The following EXOC2 variants were observed in gnomAD, a reference collection of about 807,000 sequenced individuals.
EXOC2 encodes the protein exocyst complex component 2, also known as SEC5-like 1.
EXOC2 carries 70 observed loss-of-function variants against 131.8 expected under a neutral mutation model. The observed-to-expected ratio is 0.53, with a 90% CI of 0.44 to 0.65. EXOC2 has a LOEUF of 0.65. Among genes scored for constraint, EXOC2 ranks in the 30% least tolerant of loss-of-function variants. The pLI is 0.00. For synonymous variants in EXOC2, 411 were observed against 398.4 expected, an observed-to-expected ratio of 1.03 and a Z score of -0.38; for missense variants, 923 against 1,108.6, an observed-to-expected ratio of 0.83 and a Z score of 2.38.
At chr6:635,903 A>G (rs1252163156) in intron 2 of EXOC2, among the ~76,000 whole-genome samples, 1 of 152,224 alleles carries the variant, frequency 6.6e-6, no homozygotes, top group African/African-American at 2.4e-5. Flanking sequence ...TCTACTAAAA[A>G]TACAAAAATT....
chr6:649,513 G>T (rs1762737551), intron 1 of EXOC2, among the ~76,000 whole-genome samples: 1 of 148,866 alleles, frequency 6.7e-6, no homozygotes, highest in African/African-American at 2.4e-5. Context: ...TTACTGGTTT[G>T]CTTAAAAAAA....
At chr6:505,929 G>A (rs954590379) in intron 23 of EXOC2, among the ~76,000 whole-genome samples, 1 of 152,162 alleles carries the variant, frequency 6.6e-6, no homozygotes, top group Non-Finnish European at 1.5e-5. Context: ...ATGAATGAGG[G>A]AATAAACACA....
chr6:648,968 C>T (rs775204270), intron 1 of EXOC2, among the ~76,000 whole-genome samples: 7 of 152,080 alleles, frequency 4.6e-5, no homozygotes, highest in Non-Finnish European at 8.8e-5. Context: ...CCGCTTCCGC[C>T]TCCCAACGTG....
At chr6:593,138 G>A (rs976403470) in intron 10 of EXOC2, among the ~76,000 whole-genome samples, 4 of 151,936 alleles carry the variant, frequency 2.6e-5, no homozygotes, top group Non-Finnish European at 5.9e-5. Context: ...AAAAAGATAA[G>A]GACAATTTGC....
chr6:642,221 T>C (rs928064331), intron 1 of EXOC2, among the ~76,000 whole-genome samples: 1 of 152,230 alleles, frequency 6.6e-6, no homozygotes, highest in African/African-American at 2.4e-5. Context: ...GATCCCTCCT[T>C]CTATTAAACT....
intron 26 of EXOC2, among the ~76,000 whole-genome samples, 177 bp from the exon 27 acceptor site, chr6:489,215 A>T (rs570831183): frequency 6.6e-6 from 1 of 152,370 alleles, no homozygotes; most frequent in Non-Finnish European, 1.5e-5. Context: ...AGGTGTAGCT[A>T]CCAGGTGGAG....
intron 11 of EXOC2, among the ~76,000 whole-genome samples, chr6:585,571 C>G (rs1478262149): frequency 6.6e-6 from 1 of 152,240 alleles, no homozygotes; most frequent in African/African-American, 2.4e-5. Context: ...GTATGTAGGA[C>G]TGCTGTCTCT....
chr6:655,790 G>C (rs1660663134), intron 1 of EXOC2: 1 of 231,386 alleles, frequency 4.3e-6, no homozygotes, highest in Non-Finnish European at 8.5e-6. Flanking sequence ...ATAAAATACT[G>C]ATGCAATTGT....
intron 1 of EXOC2, among the ~76,000 whole-genome samples, chr6:675,659 C>T (rs529754591): frequency 0.094 from 2,194 of 23,368 alleles, 867 homozygotes; most frequent in East Asian, 0.7. Context: ...GACTGCAGTT[C>T]CCCATACTCT....
At chr6:583,333 G>T (rs528543074) in intron 11 of EXOC2, among the ~76,000 whole-genome samples, 1 of 152,154 alleles carries the variant, frequency 6.6e-6, no homozygotes, top group South Asian at 2.1e-4. Context: ...GCTGCCAGAA[G>T]TCTTCTTCCA....
At chr6:537,342 G>A (rs1480275888) in intron 22 of EXOC2, among the ~76,000 whole-genome samples, 9 of 150,806 alleles carry the variant, frequency 6.0e-5, no homozygotes, top group African/African-American at 1.5e-4. Context: ...GCGTACACTC[G>A]AGTTGACGGC....
intron 6 of EXOC2, among the ~76,000 whole-genome samples, chr6:614,303 C>G (rs1463855294): frequency 6.6e-6 from 1 of 152,164 alleles, no homozygotes; most frequent in African/African-American, 2.4e-5. Context: ...GTGACGGGGC[C>G]GTACTACAGA....
intron 20 of EXOC2, among the ~76,000 whole-genome samples, chr6:554,242 A>C (rs1037459198): frequency 6.6e-6 from 1 of 152,084 alleles, no homozygotes; most frequent in African/African-American, 2.4e-5. Context: ...GGGTTTCACC[A>C]TGTTGGCCAG....
chr6:508,983 A>G (rs1020297848), intron 23 of EXOC2, among the ~76,000 whole-genome samples: 3 of 152,198 alleles, frequency 2.0e-5, no homozygotes, highest in African/African-American at 7.2e-5. Flanking sequence ...TAGGTGTGCA[A>G]TGGTATCTTA....
intron 23 of EXOC2, among the ~76,000 whole-genome samples, chr6:509,823 C>T (rs1233124036): frequency 1.3e-5 from 2 of 152,148 alleles, no homozygotes; most frequent in Admixed American, 6.5e-5. Context: ...TGACGCATAA[C>T]ACTCTTCAGA....
chr6:645,793 CATTTTTCAATG>C (rs1762554723), intron 1 of EXOC2, among the ~76,000 whole-genome samples: 1 of 152,068 alleles, frequency 6.6e-6, no homozygotes, highest in Admixed American at 6.5e-5. Flanking sequence ...TCCCAAATAC[CATTTTTCAATG>C]AAAGGAACCA....
intron 11 of EXOC2, among the ~76,000 whole-genome samples, chr6:587,269 G>T (rs531861605): frequency 5.3e-4 from 80 of 151,046 alleles, no homozygotes; most frequent in African/African-American, 1.8e-3. Context: ...TTTTGAGACG[G>T]AGTCTTGCTC....
In EXOC2 at chr6:592,641, AATC is replaced by A. The variant is rs369175764; in HGVS notation, c.1074-57_1074-55del. On this transcript the variant is annotated intron_variant, in intron 10 of 27. Transcript: ENST00000230449. Reference sequence around the variant, plus strand: ...AAAGGGAAATGCTGGCATATTTTAAAATCATTACTTTTTAAAGGCTAAAATTTT... The same window carrying A: ...AAAGGGAAATGCTGGCATATTTTAAAATTACTTTTTAAAGGCTAAAATTTT... 1,023 of 1,393,806 alleles carry A rather than the reference AATC, an allele frequency of 7.3e-4. 11 individuals are homozygous for A. The African/African-American group carries it at 0.013, about 18-fold the overall frequency. 86.3% of individuals were successfully genotyped at this position (1,393,806 alleles called of 1,614,324 possible).
chr6:663,052 G>A (rs972313196), intron 1 of EXOC2, among the ~76,000 whole-genome samples: 9 of 151,770 alleles, frequency 5.9e-5, no homozygotes, highest in East Asian at 1.9e-4. Flanking sequence ...CCATGAGCAC[G>A]ATTAACCAAC....
Sources: gnomAD v4.1 joint callset for allele counts (sites outside exome capture counted in the v4.1 genomes callset) on GRCh38, gnomAD v4.1.1 for gene constraint, MANE v1.5 for transcripts, NCBI Gene and HGNC (gene_info 2026-07-23, HGNC 2026-07-21) for gene names.